The following AXIN1 variants were observed in gnomAD, a reference collection of about 807,000 sequenced individuals.
The protein encoded by AXIN1 is axin 1.
AXIN1 carries 30 observed loss-of-function variants against 76.4 expected under a neutral mutation model. The observed-to-expected ratio is 0.39, with a 90% confidence interval of 0.29 to 0.53. The LOEUF is 0.53. AXIN1 is among the 20% of genes least tolerant of loss of function. The pLI, the probability that AXIN1 is intolerant of heterozygous loss-of-function variation, is 0.66. For missense variants in AXIN1, 1,140 were observed against 1,198.8 expected, an observed-to-expected ratio of 0.95 and a Z score of 0.72; for synonymous variants, 545 against 501.4, an observed-to-expected ratio of 1.09 and a Z score of -1.16.
intron 7 of AXIN1, among the ~76,000 whole-genome samples, chr16:296,091 C>A (rs962504981): frequency 2.0e-5 from 3 of 152,210 alleles, no homozygotes; most frequent in African/African-American, 7.2e-5. Context: ...CACACTGAGA[C>A]CCCCTCTACA....
chr16:297,504 G>C (rs569410895), intron 6 of AXIN1, among the ~76,000 whole-genome samples: 58 of 152,322 alleles, frequency 3.8e-4, no homozygotes, highest in Non-Finnish European at 5.6e-4. Context: ...GCCAGAGCGG[G>C]AGCCAGGGTC....
rs2052489055 is a variant in AXIN1, at chr16:289,437, C to A, written c.2462+3G>T. 6.2e-7 allele frequency: 1 copy of A among 1,612,868 alleles called. No individual in the cohort carries two copies. Among genetic ancestry groups the A allele is most frequent in the Non-Finnish European group, 8.5e-7 (1 of 1,179,998 alleles). ...GAGGGGGCACCCCAGCCCTCACACT[C>A]ACCTGTAGCTGCCCTTTTTGGTCAG... is the stretch of plus-strand genomic sequence containing the variant. On this transcript the variant is annotated splice_donor_region_variant and intron_variant, in intron 10 of 10. Coordinates refer to ENST00000262320, the MANE Select transcript of AXIN1 (RefSeq NM_003502.4).
intron 3 of AXIN1, among the ~76,000 whole-genome samples, chr16:312,159 C>T (rs1471201028): frequency 6.6e-6 from 1 of 152,224 alleles, no homozygotes; most frequent in African/African-American, 2.4e-5. Flanking sequence ...ACTGACCCCA[C>T]ATCTGTGTCC....
chr16:332,200 G>A (rs535035056), intron 2 of AXIN1, among the ~76,000 whole-genome samples: 2 of 152,258 alleles, frequency 1.3e-5, no homozygotes, highest in Admixed American at 6.5e-5. Flanking sequence ...AGGGCCCCAC[G>A]GTCCAAGGAC....
chr16:326,370 A>ATATATATATATATAT (rs1415761664), intron 2 of AXIN1, among the ~76,000 whole-genome samples: 50 of 92,964 alleles, frequency 5.4e-4, no homozygotes, highest in Non-Finnish European at 7.7e-4. Flanking sequence ...AAAAAAAAAA[A>ATATATATATATATAT]AAATATATAT....
intron 2 of AXIN1, among the ~76,000 whole-genome samples, chr16:324,768 C>T (rs915459770): frequency 6.6e-6 from 1 of 152,184 alleles, no homozygotes. Flanking sequence ...TCCCGACCCC[C>T]CGGAACAGCA....
chr16:342,016 C>T (rs889798640), intron 2 of AXIN1, among the ~76,000 whole-genome samples: 5 of 152,232 alleles, frequency 3.3e-5, no homozygotes, highest in Non-Finnish European at 5.9e-5. Flanking sequence ...CTCTACCAAT[C>T]AGCAGGATGT....
intron 4 of AXIN1, among the ~76,000 whole-genome samples, chr16:308,294 G>A (rs1445777376): frequency 6.6e-6 from 1 of 152,208 alleles, no homozygotes; most frequent in Non-Finnish European, 1.5e-5. Context: ...TCTCTGTGTT[G>A]CATCCTGAGA....
At chr16:301,548 C>A (rs1031346048) in intron 5 of AXIN1, among the ~76,000 whole-genome samples, 2 of 152,080 alleles carry the variant, frequency 1.3e-5, no homozygotes, top group Non-Finnish European at 2.9e-5. Context: ...CCCAGCACTT[C>A]GGGAAGCTGA....
intron 4 of AXIN1, among the ~76,000 whole-genome samples, chr16:308,619 C>T (rs779010335): frequency 4.6e-5 from 7 of 152,248 alleles, no homozygotes; most frequent in Non-Finnish European, 1.0e-4. Flanking sequence ...ACGTTCAGGA[C>T]CTGTGACTTG....
intron 2 of AXIN1, among the ~76,000 whole-genome samples, chr16:324,821 A>T (rs888546460): frequency 1.3e-5 from 2 of 152,184 alleles, no homozygotes; most frequent in African/African-American, 2.4e-5. Flanking sequence ...AGCTTCCGGC[A>T]GCCGCAGGCC....
Position 293,648 on chromosome 16 carries a change from C to T in AXIN1, c.2026G>A (p.Gly676Ser), listed in dbSNP as rs146201132. Reference protein sequence around the residue: ...RPLSLEHPWAGPQLRTSVQPS... With the variant: ...RPLSLEHPWASPQLRTSVQPS... ...TGCACGGAGGTCCGGAGCTGAGGGC[C>T]GGCCCAGGGGTGCTCAAGGGACAAG... Residue 676 changes from glycine (G) to serine (S), a missense_variant, in exon 8 of 11, where the codon GGC (glycine) becomes AGC (serine). By Grantham distance (56) the Gly-to-Ser change is moderately conservative. Transcript: ENST00000262320. The surrounding 1 kb of genome is among the most constrained non-coding windows in gnomAD (Gnocchi z 4.6). The T allele has an allele frequency of 3.5e-5, 57 of 1,613,478 alleles. No individual in the cohort carries two copies. The highest frequency in any genetic ancestry group is 1.7e-4 in the Middle Eastern group (1 of 6,052).
At chr16:342,398 G>T (rs1050820225) in intron 2 of AXIN1, among the ~76,000 whole-genome samples, 1 of 152,178 alleles carries the variant, frequency 6.6e-6, no homozygotes, top group Non-Finnish European at 1.5e-5. Context: ...ACACCGGGAC[G>T]ACTAACCGGC....
At chr16:335,634 A>AT (rs2053788286) in intron 2 of AXIN1, among the ~76,000 whole-genome samples, 1 of 151,828 alleles carries the variant, frequency 6.6e-6, no homozygotes, top group African/African-American at 2.4e-5. Flanking sequence ...CAATAACAGC[A>AT]CCCAGTACCA....
chr16:309,553 G>A (rs181291379), intron 4 of AXIN1, among the ~76,000 whole-genome samples: 1 of 152,242 alleles, frequency 6.6e-6, no homozygotes, highest in East Asian at 1.9e-4. Context: ...AAGTCAAGAC[G>A]TTTACCTGGA....
At chr16:289,919 G>A (rs955380109) in intron 9 of AXIN1, 4 of 505,330 alleles carry the variant, frequency 7.9e-6, no homozygotes, top group Non-Finnish European at 1.4e-5. Flanking sequence ...AGGGCAGGCT[G>A]CAGGGCTCCT....
chr16:289,630 G>A (rs370958373), intron 9 of AXIN1, 23 bp from the exon 10 acceptor site: 25 of 1,612,006 alleles, frequency 1.6e-5, no homozygotes, highest in South Asian at 8.8e-5. Flanking sequence ...ATGCAGCGGT[G>A]GTACCTGGTT....
intron 1 of AXIN1, among the ~76,000 whole-genome samples, chr16:352,050 GT>G: frequency 6.6e-6 from 1 of 152,054 alleles, no homozygotes; most frequent in East Asian, 1.9e-4. Context: ...GCGGGCGGGA[GT>G]GTCCTCCTCC....
At chr16:296,267 A>G (rs142617599) in intron 7 of AXIN1, among the ~76,000 whole-genome samples, 294 of 152,384 alleles carry the variant, frequency 1.9e-3, no homozygotes, top group Non-Finnish European at 3.2e-3. Context: ...CAGCTGCCTC[A>G]CAAGTTCTCA....
Sources: gnomAD v4.1 joint callset for allele counts (sites outside exome capture counted in the v4.1 genomes callset) on GRCh38, gnomAD v4.1.1 for gene constraint, Gnocchi (gnomAD v3.1) non-coding constraint, MANE v1.5 for transcripts, NCBI Gene and HGNC (gene_info 2026-07-23, HGNC 2026-07-21) for gene names.